SLC25A48: variants seen among roughly 807,000 people sequenced by gnomAD.
SLC25A48 encodes the protein CTC-321K16.1.
In SLC25A48, 29 loss-of-function variants were observed where a neutral mutation model predicts 32.2. The ratio of observed to expected loss-of-function variants is 0.90; its 90% CI spans 0.67 to 1.23. The LOEUF (loss-of-function observed/expected upper bound fraction) is 1.23, where lower values mean the gene tolerates loss of function less well. Ranked by LOEUF, SLC25A48 falls within the 50% of genes most tolerant of loss-of-function variation. SLC25A48 has a pLI of 0.00. For missense variants in SLC25A48, 399 were observed against 422.7 expected (o/e 0.94, Z 0.49); for synonymous variants, 164 against 172.3 (o/e 0.95, Z 0.38).
At chr5:135,782,058 G>A (rs1372806405) in intron 3 of SLC25A48, among the ~76,000 whole-genome samples, 1 of 114,502 alleles carries the variant, frequency 8.7e-6, no homozygotes, top group Non-Finnish European at 2.2e-5. Flanking sequence ...CACCTTTTCT[G>A]TGATACTGTT....
intron 3 of SLC25A48, among the ~76,000 whole-genome samples, chr5:135,783,765 A>G (rs1168927507): frequency 1.7e-5 from 2 of 119,208 alleles, no homozygotes; most frequent in Admixed American, 1.7e-4. Context: ...ATTGCTTTCA[A>G]TATCGCAGCT....
At chr5:135,665,569 G>A (rs12520122) in intron 3 of SLC25A48, among the ~76,000 whole-genome samples, 2 of 152,034 alleles carry the variant, frequency 1.3e-5, no homozygotes, top group South Asian at 2.1e-4. Flanking sequence ...TCAGGTCTTA[G>A]ATTTAAGCCT....
intron 3 of SLC25A48, among the ~76,000 whole-genome samples, chr5:135,851,192 C>A (rs1210773059): frequency 1.3e-5 from 2 of 152,246 alleles, no homozygotes; most frequent in Non-Finnish European, 2.9e-5. Flanking sequence ...CTCCACCGGA[C>A]TCCATCCTAA....
intron 3 of SLC25A48, among the ~76,000 whole-genome samples, chr5:135,791,532 C>T (rs9637923): frequency 0.65 from 98,840 of 150,960 alleles, 34,287 homozygotes; most frequent in Non-Finnish European, 0.77. Flanking sequence ...CCAGTGATAT[C>T]ATTCATAATA....
intron 4 of SLC25A48, among the ~76,000 whole-genome samples, chr5:135,858,631 G>A (rs573062826): frequency 7.2e-5 from 11 of 152,376 alleles, no homozygotes; most frequent in African/African-American, 2.6e-4. Context: ...GGGAGGTGGA[G>A]GAGGTCTGAT....
chr5:135,878,563 C>T (rs7733539), intron 6 of SLC25A48, among the ~76,000 whole-genome samples: 2,883 of 152,238 alleles, frequency 0.019, 96 homozygotes, highest in African/African-American at 0.066. Flanking sequence ...ACATGTTGCA[C>T]CCTGGAGGCT....
intron 3 of SLC25A48, among the ~76,000 whole-genome samples, chr5:135,776,360 G>A (rs1001950288): frequency 1.3e-5 from 2 of 151,658 alleles, no homozygotes; most frequent in African/African-American, 4.8e-5. Flanking sequence ...AAGGGGAAGA[G>A]AGGATAATAT....
intron 4 of SLC25A48, among the ~76,000 whole-genome samples, chr5:135,854,847 C>T (rs886716361): frequency 6.6e-6 from 1 of 152,234 alleles, no homozygotes; most frequent in Non-Finnish European, 1.5e-5. Flanking sequence ...ATGACTTCCT[C>T]ACTAAGTTTA....
chr5:135,622,953 A>G (rs1258139327), intron 1 of SLC25A48, among the ~76,000 whole-genome samples: 1 of 152,184 alleles, frequency 6.6e-6, no homozygotes, highest in Admixed American at 6.5e-5. Context: ...GATGGGCAGG[A>G]TGAGGGCTGA....
At chr5:135,638,794 A>T (rs1044839195) in intron 3 of SLC25A48, among the ~76,000 whole-genome samples, 11 of 152,180 alleles carry the variant, frequency 7.2e-5, no homozygotes, top group African/African-American at 2.4e-4. Context: ...TGCATACATC[A>T]TTGTCTTTAT....
At chr5:135,818,371 A>G (rs1289421701) in intron 4 of SLC25A48, among the ~76,000 whole-genome samples, 3 of 152,218 alleles carry the variant, frequency 2.0e-5, no homozygotes, top group Admixed American at 6.5e-5. Context: ...TGAGTTATGC[A>G]TGAGTGGGAT....
chr5:135,671,426 G>C (rs1445756693), intron 3 of SLC25A48, among the ~76,000 whole-genome samples: 2 of 152,168 alleles, frequency 1.3e-5, no homozygotes, highest in African/African-American at 4.8e-5. Flanking sequence ...GCTCTGGTTT[G>C]GGGTACAGAC....
intron 3 of SLC25A48, among the ~76,000 whole-genome samples, chr5:135,746,692 C>A (rs776317174): frequency 1.3e-5 from 2 of 152,184 alleles, no homozygotes; most frequent in Non-Finnish European, 2.9e-5. Flanking sequence ...ACCTCAGTGT[C>A]ATTTTCATAC....
At chr5:135,789,497 C>G (rs116204688) in intron 3 of SLC25A48, among the ~76,000 whole-genome samples, 55 of 151,194 alleles carry the variant, frequency 3.6e-4, no homozygotes, top group South Asian at 1.0e-3. Context: ...CAACCGCCTG[C>G]GGAATGGTTT....
chr5:135,757,975 G>A (rs1755961043), intron 3 of SLC25A48, among the ~76,000 whole-genome samples: 1 of 150,236 alleles, frequency 6.7e-6, no homozygotes, highest in Non-Finnish European at 1.5e-5. Context: ...AACACACTAT[G>A]ATATTAATAG....
chr5:135,731,706 A>AT, intron 3 of SLC25A48, among the ~76,000 whole-genome samples: 1 of 144,186 alleles, frequency 6.9e-6, no homozygotes, highest in Non-Finnish European at 1.5e-5. Context: ...AGAAAAACAG[A>AT]TATTAAAGGA....
chr5:135,597,009 A>T (rs1751669840), intron 1 of SLC25A48, among the ~76,000 whole-genome samples: 1 of 152,170 alleles, frequency 6.6e-6, no homozygotes, highest in Non-Finnish European at 1.5e-5. Context: ...AAGAGCCAAT[A>T]GTAGGTTGTG....
chr5:135,755,411 C>G (rs1400144942), intron 3 of SLC25A48, among the ~76,000 whole-genome samples: 1 of 151,566 alleles, frequency 6.6e-6, no homozygotes, highest in African/African-American at 2.4e-5. Context: ...AATGAAATAT[C>G]ACTGTGATAT....
intron 1 of SLC25A48, among the ~76,000 whole-genome samples, chr5:135,581,905 A>G (rs1375732713): frequency 6.6e-6 from 1 of 152,216 alleles, no homozygotes; most frequent in Non-Finnish European, 1.5e-5. Flanking sequence ...ACACACCTTC[A>G]GGGCACAGAC....
Sources: gnomAD v4.1 joint callset for allele counts (sites outside exome capture counted in the v4.1 genomes callset) on GRCh38, gnomAD v4.1.1 for gene constraint, MANE v1.5 for transcripts, NCBI Gene and HGNC (gene_info 2026-07-23, HGNC 2026-07-21) for gene names.